The following GAS7 variants were observed in gnomAD, a reference collection of about 807,000 sequenced individuals.
GAS7 encodes growth arrest-specific protein 7.
Under a neutral mutation model 71.1 loss-of-function variants are expected in GAS7, and 28 were observed. The observed-to-expected ratio is 0.39, with a 90% CI of 0.29 to 0.54. The LOEUF (loss-of-function observed/expected upper bound fraction) is 0.54. Among genes scored for constraint, GAS7 ranks in the 20% least tolerant of loss-of-function variants. The pLI is 0.62. For missense variants in GAS7, 436 were observed against 627.8 expected (o/e 0.69, Z 3.27); for synonymous variants, 258 against 245.8 (o/e 1.05, Z -0.46).
At chr17:9,947,708 C>A (rs535814645) in intron 5 of GAS7, among the ~76,000 whole-genome samples, 37 of 151,254 alleles carry the variant, frequency 2.4e-4, no homozygotes, top group Non-Finnish European at 4.6e-4. Flanking sequence ...GGCACCATTG[C>A]TCTCCAGCCT....
intron 7 of GAS7, among the ~76,000 whole-genome samples, chr17:9,940,474 G>A (rs777951803): frequency 4.8e-4 from 73 of 152,166 alleles, no homozygotes; most frequent in Non-Finnish European, 7.6e-4. Context: ...GAGAGCTGTC[G>A]TTTACACAGT....
intron 1 of GAS7, among the ~76,000 whole-genome samples, chr17:10,189,614 C>A (rs1015437269): frequency 3.9e-5 from 6 of 152,040 alleles, no homozygotes; most frequent in African/African-American, 1.2e-4. Flanking sequence ...ATCTGCAGTC[C>A]CCCTCAGCCT....
intron 4 of GAS7, among the ~76,000 whole-genome samples, chr17:9,968,638 A>T (rs2069823297): frequency 6.6e-6 from 1 of 152,222 alleles, no homozygotes; most frequent in Admixed American, 6.5e-5. Context: ...ATGGGTCTCC[A>T]GATGTTGCCA....
intron 1 of GAS7, among the ~76,000 whole-genome samples, chr17:10,159,856 G>A (rs2142117376): frequency 6.7e-6 from 1 of 148,184 alleles, no homozygotes; most frequent in East Asian, 2.0e-4. Context: ...CACGATCTTG[G>A]CTCCCTGCAA....
At position 10,103,730 on chromosome 17, in the gene GAS7, G is replaced by C. The variant is rs912744246; in HGVS notation, c.184-83833C>G. Among the ~76,000 whole-genome samples the C allele has an allele frequency of 6.6e-6, 1 of 151,938 alleles. No individual in the cohort carries two copies. The highest frequency in any genetic ancestry group is 1.5e-5 in the Non-Finnish European group (1 of 67,996). ...AATCCCGGCTACTAGGGAGGCTGAG[G>C]CAGGAGAACTGCTTGAACCTGGGAG... On this transcript the variant is annotated intron_variant, in intron 1 of 13. Coordinates refer to ENST00000432992, the MANE Select transcript of GAS7 (RefSeq NM_201433.2). This position sits in a 1 kb window ranked among gnomAD's most constrained non-coding sequence, Gnocchi z 5.5.
At chr17:9,979,652 C>A (rs929961418) in intron 3 of GAS7, among the ~76,000 whole-genome samples, 15 of 152,142 alleles carry the variant, frequency 9.9e-5, no homozygotes, top group African/African-American at 3.6e-4. Context: ...CAAGTCTCGA[C>A]CAGCCTCACC....
chr17:9,917,575 G>A (rs954706954), intron 13 of GAS7, among the ~76,000 whole-genome samples: 1 of 152,226 alleles, frequency 6.6e-6, no homozygotes, highest in African/African-American at 2.4e-5. Flanking sequence ...GCCTGGATGA[G>A]AGGCCAGGAG....
intron 1 of GAS7, among the ~76,000 whole-genome samples, chr17:10,158,383 G>C (rs181744782): frequency 1.3e-3 from 196 of 148,938 alleles, no homozygotes; most frequent in African/African-American, 4.6e-3. Context: ...CAGGGGGCTC[G>C]CATCTGTAAT....
intron 1 of GAS7, among the ~76,000 whole-genome samples, chr17:10,107,557 G>A (rs2073770206): frequency 1.3e-5 from 2 of 151,872 alleles, no homozygotes; most frequent in Non-Finnish European, 2.9e-5. Context: ...CTGAGCAGGG[G>A]AACCACCTTA....
At chr17:10,077,438 A>T (rs555157332) in intron 1 of GAS7, among the ~76,000 whole-genome samples, 3 of 152,378 alleles carry the variant, frequency 2.0e-5, no homozygotes, top group Middle Eastern at 3.4e-3. Context: ...TAGATGAGTG[A>T]ACAGAAACCT....
At position 10,131,159 on chromosome 17, in the gene GAS7, C is replaced by A. The variant is rs9909604; in HGVS notation, c.183+67049G>T. ...AGAACTTTTCTTCCTCCCCAGCGTG[C>A]CTCTTGCCACAGCTATATCTAGACC... On this transcript the variant is annotated intron_variant, in intron 1 of 13. Coordinates refer to ENST00000432992, the MANE Select transcript of GAS7 (RefSeq NM_201433.2). 4.5e-3 allele frequency among the ~76,000 whole-genome samples: 683 copies of A among 152,348 alleles called. 5 individuals carry two copies. Among genetic ancestry groups the A allele is most frequent in the African/African-American group, 0.015 (618 of 41,586 alleles).
intron 5 of GAS7, among the ~76,000 whole-genome samples, chr17:9,955,775 T>C (rs534533027): frequency 1.1e-4 from 17 of 152,006 alleles, no homozygotes; most frequent in African/African-American, 4.1e-4. Flanking sequence ...TCAGGGCAAG[T>C]TCCAGCAGGC....
intron 4 of GAS7, among the ~76,000 whole-genome samples, chr17:9,964,228 G>T (rs1027939961): frequency 7.9e-6 from 1 of 125,964 alleles, no homozygotes; most frequent in African/African-American, 5.8e-5. Flanking sequence ...ATACCACACA[G>T]GAAGTGCTTG....
chr17:9,954,358 G>C (rs889550150), intron 5 of GAS7, among the ~76,000 whole-genome samples: 1 of 152,108 alleles, frequency 6.6e-6, no homozygotes, highest in African/African-American at 2.4e-5. Flanking sequence ...CCCTGCAGGA[G>C]AGTAACAATT....
chr17:10,077,854 T>G (rs2152250030), intron 1 of GAS7, among the ~76,000 whole-genome samples: 1 of 151,802 alleles, frequency 6.6e-6, no homozygotes, highest in African/African-American at 2.4e-5. Context: ...ATCTAAGAAA[T>G]GACCAAAAAG....
chr17:10,061,279 G>A (rs1458679390), intron 1 of GAS7: 1 of 152,248 alleles, frequency 6.6e-6, no homozygotes, highest in Non-Finnish European at 1.5e-5. Flanking sequence ...ACACAGAGAT[G>A]ACGGATTACA....
chr17:9,945,482 T>C (rs1024311735), intron 6 of GAS7, among the ~76,000 whole-genome samples: 1 of 152,118 alleles, frequency 6.6e-6, no homozygotes, highest in African/African-American at 2.4e-5. Context: ...ATGCCAAAGA[T>C]AAGCCCCTTT....
At chr17:9,956,393 G>A (rs1320677765) in intron 5 of GAS7, among the ~76,000 whole-genome samples, 4 of 152,148 alleles carry the variant, frequency 2.6e-5, no homozygotes, top group Non-Finnish European at 5.9e-5. Flanking sequence ...TGGCTACGCT[G>A]GGAAGCCCTG....
chr17:10,069,465 A>T, intron 1 of GAS7, among the ~76,000 whole-genome samples: 1 of 152,136 alleles, frequency 6.6e-6, no homozygotes, highest in South Asian at 2.1e-4. Context: ...TAAACACTTC[A>T]CATAATAACC....
Sources: allele counts gnomAD v4.1 joint callset (sites outside exome capture counted in the v4.1 genomes callset), GRCh38; gene constraint gnomAD v4.1.1; non-coding constraint Gnocchi (gnomAD v3.1); transcripts MANE v1.5; gene names NCBI Gene and HGNC (gene_info 2026-07-23, HGNC 2026-07-21).